Variants in DNAH5 observed in about 807,000 individuals in gnomAD.
DNAH5 encodes the protein dynein axonemal heavy chain 5.
A neutral mutation model predicts 518.2 loss-of-function variants in DNAH5; 372 were observed. The observed-to-expected ratio is 0.72, with a 90% CI of 0.66 to 0.78. The LOEUF (loss-of-function observed/expected upper bound fraction) is 0.78. Ranked by LOEUF, DNAH5 falls within the 30% of genes least tolerant of loss-of-function variation. The probability of loss-of-function intolerance (pLI) is 0.00; values close to 1 mark genes in which losing one functional copy is unlikely to be tolerated. For synonymous variants in DNAH5, 2,039 were observed against 2,025.9 expected, an observed-to-expected ratio of 1.01 and a Z score of -0.17; for missense variants, 5,523 against 5,687.0, an observed-to-expected ratio of 0.97 and a Z score of 0.93.
chr5:13,854,648 G>T (rs1767358881), intron 30 of DNAH5, among the ~76,000 whole-genome samples: 2 of 151,974 alleles, frequency 1.3e-5, no homozygotes, highest in Non-Finnish European at 2.9e-5. Context: ...ACACACATAG[G>T]CTCAAAATAA....
intron 22 of DNAH5, among the ~76,000 whole-genome samples, chr5:13,873,972 T>C (rs142869946): frequency 6.6e-6 from 1 of 152,312 alleles, no homozygotes; most frequent in East Asian, 1.9e-4. Flanking sequence ...GTCTGATTAT[T>C]TTAAGTAAAT....
At chr5:13,820,578 A>C in intron 40 of DNAH5, 79 bp from the exon 41 acceptor site, 1 of 1,544,150 alleles carries the variant, frequency 6.5e-7, no homozygotes. Context: ...TAATCCCAAC[A>C]ATTTGGGAGG....
chr5:13,711,195 A>G (rs13166869), intron 75 of DNAH5, among the ~76,000 whole-genome samples: 54,766 of 152,052 alleles, frequency 0.36, 10,218 homozygotes, highest in South Asian at 0.44. Context: ...CATACCAGGG[A>G]TGCAGGGATG....
chr5:13,719,817 G>A (rs1456807665), intron 71 of DNAH5, among the ~76,000 whole-genome samples: 5 of 152,116 alleles, frequency 3.3e-5, no homozygotes, highest in Non-Finnish European at 7.4e-5. Context: ...CCTTTAGCAT[G>A]TGGAAGAACC....
At chr5:14,002,181 G>A (rs780981685) in intron 1 of DNAH5, among the ~76,000 whole-genome samples, 1 of 151,736 alleles carries the variant, frequency 6.6e-6, no homozygotes, top group South Asian at 2.1e-4. Flanking sequence ...ACAGGTTTGA[G>A]CCACCATGCC....
chr5:13,693,771 AT>A (rs1349052821), intron 78 of DNAH5, among the ~76,000 whole-genome samples: 4 of 152,348 alleles, frequency 2.6e-5, no homozygotes, highest in African/African-American at 7.2e-5. Context: ...CAACAAAGAT[AT>A]TTTATAGTAT....
chr5:13,783,597 G>A (rs1041056290), intron 52 of DNAH5, among the ~76,000 whole-genome samples: 2 of 152,058 alleles, frequency 1.3e-5, no homozygotes, highest in Non-Finnish European at 1.5e-5. Flanking sequence ...TGGTAAGCAG[G>A]AACTAGATCA....
chr5:13,885,240 T>C lies in DNAH5; in HGVS notation c.2744-12A>G. 1 of 1,613,730 alleles carries C rather than the reference T, an allele frequency of 6.2e-7. No homozygotes were observed. Among genetic ancestry groups the C allele is most frequent in the Non-Finnish European group, 8.5e-7 (1 of 1,179,870 alleles). On this transcript the variant is annotated splice_polypyrimidine_tract_variant and intron_variant, in intron 18 of 78. Coordinates refer to ENST00000265104, the MANE Select transcript of DNAH5 (RefSeq NM_001369.3). Reference sequence around the variant, plus strand: ...TTCTTCTCTTTTTGCTGTTACAAGATGAAAGAGATAGAGATAGAGATAAGT... The same window carrying C: ...TTCTTCTCTTTTTGCTGTTACAAGACGAAAGAGATAGAGATAGAGATAAGT...
At chr5:13,984,655 G>A (rs1782908574) in intron 1 of DNAH5, among the ~76,000 whole-genome samples, 1 of 152,164 alleles carries the variant, frequency 6.6e-6, no homozygotes, top group South Asian at 2.1e-4. Flanking sequence ...GTATGATATT[G>A]GCTGTGGGTT....
At chr5:13,854,211 C>A (rs141048475) in intron 30 of DNAH5, among the ~76,000 whole-genome samples, 1 of 152,146 alleles carries the variant, frequency 6.6e-6, no homozygotes, top group East Asian at 1.9e-4. Context: ...AGAGTGGGGG[C>A]CAATATTCAA....
chr5:13,777,955 T>C (rs965359972), intron 53 of DNAH5, among the ~76,000 whole-genome samples: 1 of 152,316 alleles, frequency 6.6e-6, no homozygotes, highest in Admixed American at 6.5e-5. Context: ...AAGCAATCTT[T>C]AGGTGGAAGT....
At chr5:14,004,850 T>C (rs1041050681) in intron 1 of DNAH5, among the ~76,000 whole-genome samples, 2 of 150,662 alleles carry the variant, frequency 1.3e-5, no homozygotes, top group Non-Finnish European at 3.0e-5. Flanking sequence ...GATGGGTTGA[T>C]CTCAATAGCC....
chr5:13,818,000 CA>C (rs1330086147), intron 41 of DNAH5, among the ~76,000 whole-genome samples: 1 of 151,778 alleles, frequency 6.6e-6, no homozygotes, highest in Non-Finnish European at 1.5e-5. Context: ...TTTCATGGCT[CA>C]AAAAAAATCT....
rs7715744 is a variant in DNAH5, at chr5:13,922,525, G to A, written c.439-197C>T. 0.25 allele frequency among the ~76,000 whole-genome samples: 37,843 copies of A among 151,676 alleles called. 4,994 individuals carry two copies. The highest frequency in any genetic ancestry group is 0.28 in the Non-Finnish European group (19,331 of 67,876). On this transcript the variant is annotated intron_variant, in intron 4 of 78. Coordinates refer to ENST00000265104, the MANE Select transcript of DNAH5 (RefSeq NM_001369.3). ...GGGGATCACTTGAGGTCAGGTGTTCGAGACCAGCCTGGGCAACATGGTGAA... is the reference window on the plus strand; with the variant it reads ...GGGGATCACTTGAGGTCAGGTGTTCAAGACCAGCCTGGGCAACATGGTGAA...
chr5:13,870,398 A>G (rs951476746), intron 24 of DNAH5, among the ~76,000 whole-genome samples: 4 of 152,130 alleles, frequency 2.6e-5, no homozygotes, highest in African/African-American at 9.7e-5. Context: ...TCTCCTTTGC[A>G]TGAAGGAGGG....
Position 13,848,689 on chromosome 5 carries a change from T to C in DNAH5, c.5114+1963A>G, listed in dbSNP as rs112565350. 3.7e-3 allele frequency among the ~76,000 whole-genome samples: 557 copies of C among 152,274 alleles called. 4 individuals carry two copies. The highest frequency in any genetic ancestry group is 0.013 in the African/African-American group (531 of 41,558). On this transcript the variant is annotated intron_variant, in intron 31 of 78. Transcript: ENST00000265104. ...GAGTACGCAACCTAGATCCCTCGCATGTGCAGTTCAGAATAGGGTGTATGC... is the reference window on the plus strand; with the variant it reads ...GAGTACGCAACCTAGATCCCTCGCACGTGCAGTTCAGAATAGGGTGTATGC...
intron 68 of DNAH5, among the ~76,000 whole-genome samples, chr5:13,729,972 T>C (rs1264423426): frequency 6.6e-6 from 1 of 152,224 alleles, no homozygotes; most frequent in Non-Finnish European, 1.5e-5. Context: ...ATTTTCAATA[T>C]TAAGAATTGC....
chr5:13,985,430 A>AATATATACATATATATAT (rs1395996357), intron 1 of DNAH5, among the ~76,000 whole-genome samples: 4 of 127,346 alleles, frequency 3.1e-5, no homozygotes, highest in African/African-American at 1.1e-4. Flanking sequence ...AGTATAATAA[A>AATATATACATATATATAT]ATATATATAT....
chr5:13,992,768 G>C (rs1211443406), intron 1 of DNAH5, among the ~76,000 whole-genome samples: 1 of 152,014 alleles, frequency 6.6e-6, no homozygotes, highest in East Asian at 1.9e-4. Flanking sequence ...TACATTATTG[G>C]CCATTTTTAA....
Sources: gnomAD v4.1 joint callset for allele counts (sites outside exome capture counted in the v4.1 genomes callset) on GRCh38, gnomAD v4.1.1 for gene constraint, MANE v1.5 for transcripts, NCBI Gene and HGNC (gene_info 2026-07-23, HGNC 2026-07-21) for gene names.